The following F2 variants were observed in gnomAD, a reference collection of about 807,000 sequenced individuals.
F2 encodes the protein prothrombin.
F2 carries 34 observed loss-of-function variants against 81.9 expected under a neutral mutation model. The ratio of observed to expected loss-of-function variants is 0.42; its 90% CI spans 0.32 to 0.55. The LOEUF (loss-of-function observed/expected upper bound fraction) is 0.55, where lower values mean the gene tolerates loss of function less well. Ranked by LOEUF, F2 falls within the 20% of genes least tolerant of loss-of-function variation. The pLI is 0.18. For missense variants in F2, 630 were observed against 833.4 expected (o/e 0.76, Z 3.00); for synonymous variants, 296 against 326.4 (o/e 0.91, Z 1.01).
intron 12 of F2, among the ~76,000 whole-genome samples, chr11:46,738,021 A>G (rs3136505): frequency 0.37 from 56,201 of 151,392 alleles, 10,999 homozygotes; most frequent in East Asian, 0.68. Flanking sequence ...TTTTCGAGAC[A>G]GAGTCTTGTT....
intron 3 of F2, 117 bp from the exon 4 acceptor site, chr11:46,720,673 G>C: frequency 6.7e-7 from 1 of 1,492,480 alleles, no homozygotes; most frequent in Non-Finnish European, 9.3e-7. Context: ...CTCCTTCCTT[G>C]GTCCCTCCCA....
Position 46,739,461 on chromosome 11 carries a change from TTG to T in F2, c.*57_*58del, listed in dbSNP as rs1356161570. The T allele has an allele frequency of 8.1e-6, 13 of 1,610,678 alleles. No individual in the cohort carries two copies. The Admixed American group carries it at 2.0e-4, about 25-fold the overall frequency. On this transcript the variant is annotated 3_prime_UTR_variant, in exon 14 of 14. Transcript: ENST00000311907. ...AACCAATCCCGTGAAAGAATTATTT[TTG>T]TGTTTCTAAAACTATGGTTCCCAAT...
Position 46,719,801 on chromosome 11 carries a change from G to A in F2, c.179G>A (p.Cys60Tyr). The A allele has an allele frequency of 6.3e-7, 1 of 1,594,512 alleles. No individual in the cohort carries two copies. Among genetic ancestry groups the A allele is most frequent in the Non-Finnish European group, 8.5e-7 (1 of 1,171,422 alleles). ...CGCAAGGGCAACCTGGAGCGAGAGT[G>A]CGTGGAGGAGACGTGCAGCTACGAG... The part of the protein sequence containing the change: ...EVRKGNLERE[C>Y]VEETCSYEEA... Residue 60 changes from cysteine (C) to tyrosine (Y), a missense_variant, in exon 2 of 14, where the codon TGC (cysteine) becomes TAC (tyrosine). By Grantham distance (194) the Cys-to-Tyr change is radical. Coordinates refer to ENST00000311907, the MANE Select transcript of F2 (RefSeq NM_000506.5). The surrounding 1 kb of genome is among the most constrained non-coding windows in gnomAD (Gnocchi z 4.7).
chr11:46,720,192 C>T, intron 2 of F2: 2 of 546,232 alleles, frequency 3.7e-6, no homozygotes, highest in Non-Finnish European at 6.6e-6. Context: ...TCTGGGGAGG[C>T]CACCACAAGC....
In F2 at chr11:46,725,852, C is replaced by A. The variant is rs1475659512; in HGVS notation, c.560-7C>A. The A allele has an allele frequency of 6.2e-7, 1 of 1,612,048 alleles. No individual in the cohort carries two copies. Among genetic ancestry groups the A allele is most frequent in the Non-Finnish European group, 8.5e-7 (1 of 1,179,590 alleles). ...ACTCTGCTGCCTCCTTGCCCCTCAC[C>A]CACCAGGCCAGGATCAAGTCACTGT... On this transcript the variant is annotated splice_region_variant and splice_polypyrimidine_tract_variant and intron_variant, in intron 6 of 13. Transcript: ENST00000311907.
rs2064854382 is a variant in F2 at position 46,723,757 on chromosome 11, G to A, written c.559+239G>A. Reference sequence around the variant, plus strand: ...AATACAAAAATTGCCAGGCGTGGTGGTGGGCGCCTGTAATCCCAACTACTC... The same window carrying A: ...AATACAAAAATTGCCAGGCGTGGTGATGGGCGCCTGTAATCCCAACTACTC... On this transcript the variant is annotated intron_variant, in intron 6 of 13. Transcript: ENST00000311907. The surrounding 1 kb of genome is among the most constrained non-coding windows in gnomAD (Gnocchi z 5.6). Among the ~76,000 whole-genome samples, 1 of 152,192 alleles carries A rather than the reference G, an allele frequency of 6.6e-6. No homozygotes were observed. The highest frequency in any genetic ancestry group is 2.4e-5 in the African/African-American group (1 of 41,444).
At position 46,726,179 on chromosome 11, in the gene F2, C is replaced by A. The variant is rs759484909; in HGVS notation, c.874+6C>A. 4.3e-6 allele frequency: 7 copies of A among 1,612,716 alleles called. No homozygotes were observed. Among genetic ancestry groups the A allele is most frequent in the Non-Finnish European group, 5.9e-6 (7 of 1,179,576 alleles). On this transcript the variant is annotated splice_donor_region_variant and intron_variant, in intron 7 of 13. Coordinates refer to ENST00000311907, the MANE Select transcript of F2 (RefSeq NM_000506.5). The surrounding 1 kb of genome is among the most constrained non-coding windows in gnomAD (Gnocchi z 5.9). ...CTGCGACCTCAACTATTGTGGTGAG[C>A]TGCCTGGGTAGGGGGCCTGAGTTGC...
intron 4 of F2, among the ~76,000 whole-genome samples, chr11:46,721,301 A>G (rs1435624998): frequency 1.3e-5 from 2 of 152,150 alleles, no homozygotes; most frequent in Non-Finnish European, 1.5e-5. Context: ...CTCGGCCTCA[A>G]AGTGCTGGGA....
intron 12 of F2, among the ~76,000 whole-genome samples, chr11:46,734,420 C>T (rs985015577): frequency 6.6e-6 from 1 of 151,646 alleles, no homozygotes; most frequent in Non-Finnish European, 1.5e-5. Context: ...TTTTTTTAAC[C>T]TCATGTATAA....
Position 46,728,306 on chromosome 11 carries a change from C to A in F2, c.1298+143C>A. ...CATCCCAGCAGTCTCTGCTGGAAAG[C>A]CCATTTGGTCACGTCCTGACTGAGG... On this transcript the variant is annotated intron_variant, in intron 10 of 13. Coordinates refer to ENST00000311907, the MANE Select transcript of F2 (RefSeq NM_000506.5). The surrounding 1 kb of genome is among the most constrained non-coding windows in gnomAD (Gnocchi z 5.1). 1.0e-6 allele frequency: 1 copy of A among 1,001,740 alleles called. No homozygotes were observed. The highest frequency in any genetic ancestry group is 1.5e-6 in the Non-Finnish European group (1 of 659,714). The allele number at this position is 1,001,740 out of a possible 1,614,324, so 62.1% of individuals were successfully genotyped here. A position where few individuals can be genotyped will look rare whatever the true frequency, so the allele number is the denominator to read the frequency against.
chr11:46,739,407 AG>A lies in F2; in HGVS notation c.*4del. 6.2e-7 allele frequency: 1 copy of A among 1,614,078 alleles called. No homozygotes were observed. Among genetic ancestry groups the A allele is most frequent in the Non-Finnish European group, 8.5e-7 (1 of 1,180,014 alleles). On this transcript the variant is annotated frameshift_variant and stop_lost, in exon 14 of 14. Transcript: ENST00000311907. LOFTEE classifies it high-confidence loss of function. ...AAGGTCATTGATCAGTTTGGAGAGT[AG>A]GGGGCCACTCATATTCTGGGCTCCT... ...IQKVIDQFGE[*>X] is the part of the protein sequence containing the mutation.
At chr11:46,720,902 G>A in intron 4 of F2, 62 bp downstream of exon 4, 1 of 1,599,950 alleles carries the variant, frequency 6.3e-7, no homozygotes. Flanking sequence ...GAAGAGCTCA[G>A]GGGTGGGTTT....
At position 46,736,359 on chromosome 11, in the gene F2, G is replaced by T. The variant is rs556930210; in HGVS notation, c.1655-2689G>T. Among the ~76,000 whole-genome samples, 5 of 152,306 alleles carry T rather than the reference G, an allele frequency of 3.3e-5. No individual in the cohort carries two copies. The South Asian group carries it at 1.0e-3, about 32-fold the overall frequency. ...ATTTCAAACTCCTGGCTGGGCTCGAGCAAGTCTCCCGCCTTGGCCTCCCAA... is the reference window on the plus strand; with the variant it reads ...ATTTCAAACTCCTGGCTGGGCTCGATCAAGTCTCCCGCCTTGGCCTCCCAA... On this transcript the variant is annotated intron_variant, in intron 12 of 13. Transcript: ENST00000311907.
rs1029344958 is a variant in F2 at position 46,730,780 on chromosome 11, G to A, written c.1654+1219G>A. Among the ~76,000 whole-genome samples, 4 of 140,640 alleles carry A rather than the reference G, an allele frequency of 2.8e-5. No homozygotes were observed. In the East Asian group the frequency reaches 7.8e-4, roughly 27 times the overall value. 92.3% of individuals were successfully genotyped at this position (140,640 alleles called of 152,430 possible). A position where few individuals can be genotyped will look rare whatever the true frequency, so the allele number is the denominator to read the frequency against. On this transcript the variant is annotated intron_variant, in intron 12 of 13. Coordinates refer to ENST00000311907, the MANE Select transcript of F2 (RefSeq NM_000506.5). ...TGTCCTCCATTCTGTGGATGTGTGG[G>A]AATTTTTATATATATATATGCATAG...
Position 46,739,374 on chromosome 11 carries a change from G to A in F2, c.1835G>A (p.Trp612Ter), listed in dbSNP as rs1395027365. The A allele has an allele frequency of 3.1e-6, 5 of 1,614,146 alleles. No individual in the cohort carries two copies. The highest frequency in any genetic ancestry group is 4.2e-6 in the Non-Finnish European group (5 of 1,180,032). The change falls in exon 14 of 14, where the codon TGG becomes TAG. Residue 612 changes from tryptophan to a stop codon, truncating the protein, a stop_gained. Transcript: ENST00000311907. LOFTEE classifies it high-confidence loss of function. Reference sequence around the variant, plus strand: ...ACACATGTGTTCCGCCTGAAGAAGTGGATACAGAAGGTCATTGATCAGTTT... The same window carrying A: ...ACACATGTGTTCCGCCTGAAGAAGTAGATACAGAAGGTCATTGATCAGTTT... ...FYTHVFRLKK[W>*]IQKVIDQFGE
In F2 at chr11:46,726,888, G is replaced by C; in HGVS notation, c.1130+51G>C. ...ATTCACTCCTGGGGGCAGGTGTGCT[G>C]CTGGACCCCCACCCTCAGGCCCTGC... On this transcript the variant is annotated intron_variant, in intron 9 of 13. Transcript: ENST00000311907. The surrounding 1 kb of genome is among the most constrained non-coding windows in gnomAD (Gnocchi z 5.9). 6.2e-7 allele frequency: 1 copy of C among 1,609,654 alleles called. No homozygotes were observed. Among genetic ancestry groups the C allele is most frequent in the Non-Finnish European group, 8.5e-7 (1 of 1,176,860 alleles).
chr11:46,731,912 G>GTTTTTTTTTTTTTTTTTTTTT (rs71042616), intron 12 of F2, among the ~76,000 whole-genome samples: 3 of 88,178 alleles, frequency 3.4e-5, no homozygotes, highest in African/African-American at 1.3e-4. Flanking sequence ...ACACTTTGAT[G>GTTTTTTTTTTTTTTTTTTTTT]TTTTTTTTTT....
In F2 at chr11:46,719,654, T is replaced by C. The variant is rs2064822415; in HGVS notation, c.80-48T>C. 7.7e-6 allele frequency: 12 copies of C among 1,557,288 alleles called. No homozygotes were observed. Among genetic ancestry groups the C allele is most frequent in the Non-Finnish European group, 1.0e-5 (12 of 1,151,530 alleles). ...TTCATGCCCCCAGAATGGCCAAGAC[T>C]GCCTGTTCCTGAGGCCGCTGTCCCA... On this transcript the variant is annotated intron_variant, in intron 1 of 13. Transcript: ENST00000311907. This position sits in a 1 kb window ranked among gnomAD's most constrained non-coding sequence, Gnocchi z 4.7.
At chr11:46,727,865 A>C in intron 9 of F2, 131 bp from the exon 10 acceptor site, 1 of 1,045,146 alleles carries the variant, frequency 9.6e-7, no homozygotes, top group Non-Finnish European at 1.4e-6. Flanking sequence ...CGGCCAGCCC[A>C]AGCTTGGATC....
Sources: allele counts gnomAD v4.1 joint callset (sites outside exome capture counted in the v4.1 genomes callset), GRCh38; gene constraint gnomAD v4.1.1; non-coding constraint Gnocchi (gnomAD v3.1); transcripts MANE v1.5; gene names NCBI Gene and HGNC (gene_info 2026-07-23, HGNC 2026-07-21).